ZMAT5: variants seen among roughly 807,000 people sequenced by gnomAD.
ZMAT5 encodes the protein zinc finger matrin-type protein 5.
A neutral mutation model predicts 28.0 loss-of-function variants in ZMAT5; 23 were observed. That is an observed-to-expected ratio of 0.82 (90% CI 0.59 to 1.16). The LOEUF is 1.16. Among genes scored for constraint, ZMAT5 ranks in the 50% most tolerant of loss-of-function variants. The pLI is 0.00. For missense variants in ZMAT5, 173 were observed against 212.7 expected (o/e 0.81, Z 1.16); for synonymous variants, 76 against 84.1 (o/e 0.90, Z 0.52).
chr22:29,733,231 G>T (rs1481719845), intron 5 of ZMAT5, among the ~76,000 whole-genome samples: 1 of 152,222 alleles, frequency 6.6e-6, no homozygotes, highest in East Asian at 1.9e-4. Context: ...TTCAGGCAAG[G>T]TGAGGCCCTG....
At chr22:29,748,312 C>A (rs549194478) in intron 2 of ZMAT5, 106 bp downstream of exon 2, 2 of 1,558,982 alleles carry the variant, frequency 1.3e-6, no homozygotes, top group Non-Finnish European at 1.8e-6. Flanking sequence ...TTTTGATCCT[C>A]AAAGAGCCCA....
At chr22:29,765,067 T>C (rs2068193795) in intron 1 of ZMAT5, among the ~76,000 whole-genome samples, 1 of 152,170 alleles carries the variant, frequency 6.6e-6, no homozygotes. Context: ...TAGCTCAAAC[T>C]GATGTGGCCA....
Position 29,731,158 on chromosome 22 carries a change from G to C in ZMAT5, c.*67C>G, listed in dbSNP as rs746709714. 3.5e-6 allele frequency: 5 copies of C among 1,425,804 alleles called. No homozygotes were observed. Among genetic ancestry groups the C allele is most frequent in the Non-Finnish European group, 4.6e-6 (5 of 1,090,346 alleles). 88.3% of individuals were successfully genotyped at this position (1,425,804 alleles called of 1,614,324 possible). A position where few individuals can be genotyped will look rare whatever the true frequency, so the allele number is the denominator to read the frequency against. ...GCCTCCATGGGGCGTAGCAGGAACC[G>C]GGCTTGGCTTCCTATTGTGACTGAT... On this transcript the variant is annotated 3_prime_UTR_variant, in exon 6 of 6. Coordinates refer to ENST00000344318, the MANE Select transcript of ZMAT5 (RefSeq NM_001003692.2).
chr22:29,739,268 G>A (rs2067938777), intron 4 of ZMAT5, among the ~76,000 whole-genome samples: 1 of 152,196 alleles, frequency 6.6e-6, no homozygotes, highest in South Asian at 2.1e-4. Context: ...GTTTGATGGG[G>A]TCAGAGTCGC....
chr22:29,743,378 T>C (rs1396598947), intron 2 of ZMAT5, among the ~76,000 whole-genome samples: 1 of 152,128 alleles, frequency 6.6e-6, no homozygotes, highest in Non-Finnish European at 1.5e-5. Flanking sequence ...CTCTGTAGCA[T>C]CGGCAATCAC....
At chr22:29,743,264 C>T (rs2044208719) in intron 2 of ZMAT5, among the ~76,000 whole-genome samples, 5 of 152,194 alleles carry the variant, frequency 3.3e-5, no homozygotes, top group Admixed American at 3.3e-4. Flanking sequence ...CACTGCTCCA[C>T]AGGCAAGACT....
In ZMAT5 at chr22:29,735,076, C is replaced by T. The variant is rs557622169; in HGVS notation, c.383+3254G>A. On this transcript the variant is annotated intron_variant, in intron 5 of 5. Transcript: ENST00000344318. The stretch of plus-strand genomic sequence containing the variant: ...CCAGGAAGAAAGTGAGGTAGCCTTG[C>T]GGGGGCTGGGGCTGGAATCCACCCC... Among the ~76,000 whole-genome samples the T allele has an allele frequency of 1.4e-4, 22 of 152,078 alleles. No individual in the cohort carries two copies. The South Asian group carries it at 2.1e-3, about 14-fold the overall frequency.
At chr22:29,743,413 T>C (rs535534882) in intron 2 of ZMAT5, among the ~76,000 whole-genome samples, 13 of 151,642 alleles carry the variant, frequency 8.6e-5, no homozygotes, top group Admixed American at 3.3e-4. Context: ...TAACCCTAGT[T>C]TCCTCTGATT....
In ZMAT5 at chr22:29,748,507, G is replaced by C; in HGVS notation, c.38C>G (p.Ser13Cys). 2.5e-6 allele frequency: 4 copies of C among 1,614,250 alleles called. No homozygotes were observed. Among genetic ancestry groups the C allele is most frequent in the Non-Finnish European group, 3.4e-6 (4 of 1,180,046 alleles). Reference protein sequence around the residue: ...KRYFCDYCDRSFQDNLHNRKK... With the variant: ...KRYFCDYCDRCFQDNLHNRKK... ...GCGGTTGTGGAGGTTGTCCTGGAAG[G>C]AGCGGTCGCAGTAGTCACAGAAGTA... Residue 13 changes from serine (S) to cysteine (C), a missense_variant, in exon 2 of 6, where the codon TCC (serine) becomes TGC (cysteine). Ser to Cys is a moderately radical substitution (Grantham distance 112). Transcript: ENST00000344318.
At chr22:29,758,589 C>T (rs562977670) in intron 1 of ZMAT5, among the ~76,000 whole-genome samples, 1 of 152,282 alleles carries the variant, frequency 6.6e-6, no homozygotes, top group African/African-American at 2.4e-5. Context: ...TGCCACTGCA[C>T]TCCAGCCTGG....
At chr22:29,750,687 T>G (rs1315906251) in intron 1 of ZMAT5, among the ~76,000 whole-genome samples, 1 of 152,068 alleles carries the variant, frequency 6.6e-6, no homozygotes, top group African/African-American at 2.4e-5. Context: ...GAGGCCCAGA[T>G]GAGGAAGAGA....
intron 1 of ZMAT5, among the ~76,000 whole-genome samples, chr22:29,751,545 T>C (rs374411558): frequency 2.9e-3 from 445 of 152,202 alleles, no homozygotes; most frequent in African/African-American, 0.01. Context: ...GGACAACCTG[T>C]GGGGGAGGGC....
At chr22:29,744,597 G>A (rs562810083) in intron 2 of ZMAT5, among the ~76,000 whole-genome samples, 251 of 152,262 alleles carry the variant, frequency 1.6e-3, no homozygotes, top group African/African-American at 5.5e-3. Flanking sequence ...CCAAGGCTGG[G>A]ATGACTGAGG....
chr22:29,760,707 G>A (rs1417446377), intron 1 of ZMAT5, among the ~76,000 whole-genome samples: 2 of 152,146 alleles, frequency 1.3e-5, no homozygotes, highest in East Asian at 3.9e-4. Flanking sequence ...CCTCTGCTGG[G>A]GACAGTTATT....
At chr22:29,744,020 T>C (rs1182262046) in intron 2 of ZMAT5, among the ~76,000 whole-genome samples, 1 of 152,126 alleles carries the variant, frequency 6.6e-6, no homozygotes, top group African/African-American at 2.4e-5. Context: ...AAGTCTCAGT[T>C]TCCCCATATG....
chr22:29,761,911 C>T (rs535313613), intron 1 of ZMAT5, among the ~76,000 whole-genome samples: 2 of 152,252 alleles, frequency 1.3e-5, no homozygotes, highest in East Asian at 3.9e-4. Context: ...CCATATATTC[C>T]TATTTCATGT....
intron 3 of ZMAT5, among the ~76,000 whole-genome samples, chr22:29,742,136 C>A (rs1275762863): frequency 1.3e-5 from 2 of 152,218 alleles, no homozygotes; most frequent in Admixed American, 1.3e-4. Flanking sequence ...GTCTATTCCA[C>A]CCATAAGTGT....
rs2068174075 is a variant in ZMAT5 at position 29,763,181 on chromosome 22, T to TA, written c.-28+3690dup. Among the ~76,000 whole-genome samples, 2 of 151,884 alleles carry TA rather than the reference T, an allele frequency of 1.3e-5. 1 individual carries two copies. Among genetic ancestry groups the TA allele is most frequent in the South Asian group, 4.1e-4 (2 of 4,820 alleles). On this transcript the variant is annotated intron_variant, in intron 1 of 5. Transcript: ENST00000344318. ...GGTGGCAGGTGCCTGTAATCCCAGT[T>TA]ACTCGGGAGGCTGAGAGAACAGAAT...
In ZMAT5 at chr22:29,736,425, A is replaced by G. The variant is rs145363855; in HGVS notation, c.383+1905T>C. 1.4e-3 allele frequency among the ~76,000 whole-genome samples: 207 copies of G among 152,376 alleles called. 1 individual carries two copies. Among genetic ancestry groups the G allele is most frequent in the Admixed American group, 2.3e-3 (35 of 15,310 alleles). ...AAGGTAAAAGACAAAGTTAGTTTTAAAACACCTTTACTGGCTGGGTGCGGT... is the reference window on the plus strand; with the variant it reads ...AAGGTAAAAGACAAAGTTAGTTTTAGAACACCTTTACTGGCTGGGTGCGGT... On this transcript the variant is annotated intron_variant, in intron 5 of 5. Transcript: ENST00000344318.
Sources: allele counts gnomAD v4.1 joint callset (sites outside exome capture counted in the v4.1 genomes callset), GRCh38; gene constraint gnomAD v4.1.1; transcripts MANE v1.5; gene names NCBI Gene and HGNC (gene_info 2026-07-23, HGNC 2026-07-21).